The following PHRF1 variants were observed in gnomAD, a reference collection of about 807,000 sequenced individuals.
PHRF1 encodes PHD and ring finger domains 1, also known as PHD and RING finger domain-containing protein 1.
Under a neutral mutation model 128.9 loss-of-function variants are expected in PHRF1, and 53 were observed. The ratio of observed to expected loss-of-function variants is 0.41; its 90% CI spans 0.33 to 0.52. PHRF1 has a LOEUF of 0.52. PHRF1 is among the 20% of genes least tolerant of loss of function. The pLI is 0.21. For synonymous variants in PHRF1, 1,178 were observed against 980.6 expected (o/e 1.20, Z -3.76); for missense variants, 2,503 against 2,284.5 (o/e 1.10, Z -1.95).
At chr11:584,152 T>C (rs975921679) in intron 3 of PHRF1, among the ~76,000 whole-genome samples, 2 of 152,234 alleles carry the variant, frequency 1.3e-5, no homozygotes, top group Non-Finnish European at 2.9e-5. Context: ...GCACGTGCTC[T>C]GCGGGTCTGC....
chr11:610,608 G>A lies in PHRF1; in HGVS notation c.4524G>A (p.Pro1508=), dbSNP rs747440309. ...AGTTCATCCTTCAGGGGAGCCTGCC[G>A]CTAGTGGGCTGTGGGGCAGCACAGA... ...TVQFILQGSL[P]LVGCGAAQTL... is the part of the protein sequence containing the mutation. Residue 1508 remains proline (P), a synonymous_variant, in exon 16 of 18, where the codon CCG becomes CCA. Transcript: ENST00000264555. 1.4e-5 allele frequency: 22 copies of A among 1,606,240 alleles called. No homozygotes were observed. Among genetic ancestry groups the A allele is most frequent in the South Asian group, 4.4e-5 (4 of 91,070 alleles).
intron 1 of PHRF1, among the ~76,000 whole-genome samples, chr11:576,968 C>T (rs931890226): frequency 6.6e-6 from 1 of 152,022 alleles, no homozygotes; most frequent in South Asian, 2.1e-4. Context: ...GAGGACGCGG[C>T]GAGAGCCCAC....
intron 10 of PHRF1, among the ~76,000 whole-genome samples, chr11:603,001 T>A (rs1855730774): frequency 6.6e-6 from 1 of 151,984 alleles, no homozygotes; most frequent in African/African-American, 2.4e-5. Context: ...GACCTCGTGA[T>A]CTGCCCACCT....
At chr11:589,764 A>C (rs572077670) in intron 4 of PHRF1, among the ~76,000 whole-genome samples, 1 of 152,218 alleles carries the variant, frequency 6.6e-6, no homozygotes, top group South Asian at 2.1e-4. Context: ...GCAAACGGGC[A>C]CGGAGCATGT....
chr11:609,078 C>T lies in PHRF1; in HGVS notation c.3622C>T (p.Gln1208Ter). 1 of 1,601,246 alleles carries T rather than the reference C, an allele frequency of 6.2e-7. No individual in the cohort carries two copies. The highest frequency in any genetic ancestry group is 8.5e-7 in the Non-Finnish European group (1 of 1,174,458). Residue 1208 changes from glutamine to a stop codon, truncating the protein, a stop_gained, in exon 14 of 18, where the codon CAG becomes TAG. Transcript: ENST00000264555. LOFTEE classifies it high-confidence loss of function. ...GGAGGCTTCCCCAGCGCCCCTTGCACAGGGGGAGCCAGGGCGGGAAGACCT... is the reference window on the plus strand; with the variant it reads ...GGAGGCTTCCCCAGCGCCCCTTGCATAGGGGGAGCCAGGGCGGGAAGACCT... ...VREASPAPLAQGEPGREDLPT... is the reference protein window; with the variant it reads ...VREASPAPLA
At chr11:586,893 C>T (rs573183346) in intron 3 of PHRF1, among the ~76,000 whole-genome samples, 20 of 152,192 alleles carry the variant, frequency 1.3e-4, no homozygotes, top group African/African-American at 2.9e-4. Context: ...CTGAGGGGCT[C>T]GCTTGGAGGC....
At chr11:591,332 C>A in intron 4 of PHRF1, 52 bp from the exon 5 acceptor site, 1 of 1,485,320 alleles carries the variant, frequency 6.7e-7, no homozygotes, top group East Asian at 2.4e-5. Context: ...AATTTTTGAT[C>A]TCTAAGTGAA....
Position 607,499 on chromosome 11 carries a change from G to C in PHRF1, c.2043G>C (p.Arg681Ser), listed in dbSNP as rs374557460. ...PRRTDISELPRIPKIRRDDGG... is the reference protein window; with the variant it reads ...PRRTDISELPSIPKIRRDDGG... ...GAACAGACATCTCTGAGCTACCCAG[G>C]ATACCAAAGATCAGGAGAGATGACG... Residue 681 changes from arginine (R) to serine (S), a missense_variant, in exon 14 of 18, where the codon AGG becomes AGC. Arg to Ser is a moderately radical substitution (Grantham distance 110, BLOSUM62 -1). Transcript: ENST00000264555. 106 of 1,612,722 alleles carry C rather than the reference G, an allele frequency of 6.6e-5. No individual in the cohort carries two copies. Among genetic ancestry groups the C allele is most frequent in the Non-Finnish European group, 8.1e-5 (96 of 1,179,900 alleles).
chr11:593,745 G>A (rs977213232), intron 6 of PHRF1, among the ~76,000 whole-genome samples: 1 of 152,188 alleles, frequency 6.6e-6, no homozygotes, highest in Non-Finnish European at 1.5e-5. Flanking sequence ...AGTGCGCTCC[G>A]CCGGCCCTTC....
chr11:586,540 G>T (rs938083122), intron 3 of PHRF1, among the ~76,000 whole-genome samples: 1 of 152,182 alleles, frequency 6.6e-6, no homozygotes, highest in Non-Finnish European at 1.5e-5. Context: ...CACCCACACC[G>T]AGTCTGCTCC....
chr11:607,598 G>A lies in PHRF1; in HGVS notation c.2142G>A (p.Leu714=). Residue 714 remains leucine (L), a synonymous_variant, in exon 14 of 18, where the codon CTG becomes CTA. Transcript: ENST00000264555. ...TCCCCAGTGCCTGCATCAGCCGACTGACTGGCAGGGAGGGCACCGGGCAGC... is the reference window on the plus strand; with the variant it reads ...TCCCCAGTGCCTGCATCAGCCGACTAACTGGCAGGGAGGGCACCGGGCAGC... ...IEIPSACISR[L]TGREGTGQPG... The A allele has an allele frequency of 6.2e-7, 1 of 1,612,404 alleles. No homozygotes were observed. The highest frequency in any genetic ancestry group is 8.5e-7 in the Non-Finnish European group (1 of 1,179,818).
chr11:597,168 T>G lies in PHRF1; in HGVS notation c.718+148T>G. 1.0e-6 allele frequency: 1 copy of G among 973,422 alleles called. No individual in the cohort carries two copies. The highest frequency in any genetic ancestry group is 1.5e-6 in the Non-Finnish European group (1 of 660,962). 60.3% of individuals were successfully genotyped at this position (973,422 alleles called of 1,614,324 possible). On this transcript the variant is annotated intron_variant, in intron 7 of 17. Transcript: ENST00000264555. This position sits in a 1 kb window ranked among gnomAD's most constrained non-coding sequence, Gnocchi z 6.5. ...GGTTGGCTGCGGTGTCGGGAGGACA[T>G]CTAGGGCTGTCTCGGGCTCGTCTTC...
intron 9 of PHRF1, among the ~76,000 whole-genome samples, chr11:599,857 G>A (rs1229461427): frequency 1.3e-5 from 2 of 152,064 alleles, no homozygotes; most frequent in Admixed American, 6.6e-5. Flanking sequence ...TGGTGCAGGG[G>A]CCCAACTTGC....
intron 4 of PHRF1, among the ~76,000 whole-genome samples, chr11:590,170 G>T (rs984531893): frequency 2.0e-5 from 3 of 152,230 alleles, no homozygotes; most frequent in Admixed American, 6.6e-5. Flanking sequence ...TCCCACCATG[G>T]GGGGTGCTGC....
At chr11:584,004 C>T (rs548605405) in intron 3 of PHRF1, among the ~76,000 whole-genome samples, 4 of 152,362 alleles carry the variant, frequency 2.6e-5, no homozygotes, top group South Asian at 2.1e-4. Context: ...AGTCTTTCTG[C>T]ATAGCCCTGT....
intron 9 of PHRF1, 71 bp downstream of exon 9, chr11:598,573 T>C: frequency 2.0e-6 from 3 of 1,531,006 alleles, no homozygotes; most frequent in Non-Finnish European, 2.6e-6. Flanking sequence ...ACTCACTGCT[T>C]CCCTCAAGGC....
intron 1 of PHRF1, among the ~76,000 whole-genome samples, chr11:579,060 G>C (rs1199322024): frequency 6.6e-6 from 1 of 152,194 alleles, no homozygotes; most frequent in Non-Finnish European, 1.5e-5. Flanking sequence ...GGCTGGTCTT[G>C]AACTACGGAG....
chr11:606,483 A>G lies in PHRF1; in HGVS notation c.1496A>G (p.Glu499Gly). The G allele has an allele frequency of 1.3e-6, 2 of 1,594,000 alleles. No homozygotes were observed. Among genetic ancestry groups the G allele is most frequent in the Non-Finnish European group, 8.5e-7 (1 of 1,173,756 alleles). The change falls in exon 13 of 18, where the codon GAG (glutamate) becomes GGG (glycine). Residue 499 changes from glutamate (E) to glycine (G), a missense_variant. Physicochemically the swap from Glu to Gly is moderately conservative, Grantham distance 98 (BLOSUM62 -2). Transcript: ENST00000264555. ...PAAVPEPDLE[E>G]EPVPDLLGSI... ...GCGGTGCCAGAGCCAGACTTGGAGGAGGAGCCAGTGCCTGACCTGCTGGGC... is the reference window on the plus strand; with the variant it reads ...GCGGTGCCAGAGCCAGACTTGGAGGGGGAGCCAGTGCCTGACCTGCTGGGC...
At chr11:576,802 ACT>A (rs1853871289) in intron 1 of PHRF1, among the ~76,000 whole-genome samples, 3 of 75,682 alleles carry the variant, frequency 4.0e-5, no homozygotes, top group Admixed American at 1.4e-4. Flanking sequence ...CCCCGCCGAG[ACT>A]GGGAGGCCCC....
Sources: allele counts gnomAD v4.1 joint callset (sites outside exome capture counted in the v4.1 genomes callset), GRCh38; gene constraint gnomAD v4.1.1; non-coding constraint Gnocchi (gnomAD v3.1); transcripts MANE v1.5; gene names NCBI Gene and HGNC (gene_info 2026-07-23, HGNC 2026-07-21).